Variants in TH observed in about 807,000 individuals in gnomAD.
TH encodes tyrosine 3-monooxygenase.
A neutral mutation model predicts 57.4 loss-of-function variants in TH; 49 were observed. The observed-to-expected ratio is 0.85, with a 90% CI of 0.68 to 1.08. TH has a LOEUF of 1.08. Ranked by LOEUF, TH falls within the 50% of genes least tolerant of loss-of-function variation. The pLI is 0.00. For synonymous variants in TH, 330 were observed against 304.5 expected (o/e 1.08, Z -0.87); for missense variants, 720 against 696.7 (o/e 1.03, Z -0.38).
chr11:2,167,267 G>A, intron 6 of TH, 168 bp downstream of exon 6: 2 of 979,538 alleles, frequency 2.0e-6, no homozygotes, highest in Admixed American at 2.1e-5. Context: ...GACAGGATGG[G>A]TAGCCTCTTC....
intron 11 of TH, 24 bp downstream of exon 11, chr11:2,165,644 G>T (rs1319712060): frequency 6.2e-7 from 1 of 1,610,114 alleles, no homozygotes; most frequent in South Asian, 1.1e-5. Flanking sequence ...TCTGCTGGGG[G>T]CTGCAGCAAG....
chr11:2,165,566 G>A, intron 11 of TH, 102 bp downstream of exon 11: 1 of 1,363,540 alleles, frequency 7.3e-7, no homozygotes, highest in African/African-American at 1.4e-5. Flanking sequence ...GAGTCCTGGA[G>A]GTCCAGGCCT....
chr11:2,168,088 C>T lies in TH; in HGVS notation c.576+3G>A, dbSNP rs761872336. 9.9e-6 allele frequency: 16 copies of T among 1,613,444 alleles called. 1 individual carries two copies. The South Asian group carries it at 1.4e-4, about 14-fold the overall frequency. On this transcript the variant is annotated splice_donor_region_variant and intron_variant, in intron 4 of 12. Coordinates refer to ENST00000352909, the MANE Select transcript of TH (RefSeq NM_000360.4). ...AGGCCTGAGTGAGGGGCGCACCACT[C>T]ACCGGGTGGTCCAAGTCCAGGTCAG...
chr11:2,165,476 T>TC lies in TH; in HGVS notation c.1201-112dup, dbSNP rs1353247859. On this transcript the variant is annotated intron_variant, in intron 11 of 12. Coordinates refer to ENST00000352909, the MANE Select transcript of TH (RefSeq NM_000360.4). ...TTCCTTGGGTAGAGTCACCCCCATC[T>TC]CCCCCGCCGGGCCTTCGGAGGCCTG... The TC allele has an allele frequency of 2.0e-5, 31 of 1,527,092 alleles. No individual in the cohort carries two copies. In the Admixed American group the frequency reaches 5.2e-4, roughly 26 times the overall value. 94.6% of individuals were successfully genotyped at this position (1,527,092 alleles called of 1,614,324 possible).
At chr11:2,169,611 G>A (rs1846196697) in intron 2 of TH, 39 bp downstream of exon 2, 2 of 1,603,798 alleles carry the variant, frequency 1.2e-6, no homozygotes, top group African/African-American at 1.3e-5. Context: ...CCCACCCACA[G>A]GTGAACTTGC....
Position 2,164,103 on chromosome 11 carries a change from G to C in TH, c.*130C>G. The C allele has an allele frequency of 1.2e-6, 1 of 802,122 alleles. No homozygotes were observed. The highest frequency in any genetic ancestry group is 1.7e-6 in the Non-Finnish European group (1 of 575,092). 49.7% of individuals were successfully genotyped at this position (802,122 alleles called of 1,614,324 possible). ...GCTGTTGCGCTGAGAAGCAGGTGCA[G>C]GGGCAGTGGGAGCCTGGCAGCAGGG... On this transcript the variant is annotated 3_prime_UTR_variant, in exon 13 of 13. Coordinates refer to ENST00000352909, the MANE Select transcript of TH (RefSeq NM_000360.4).
chr11:2,166,625 G>A lies in TH; in HGVS notation c.977+8C>T, dbSNP rs12419447. 7.6e-6 allele frequency: 12 copies of A among 1,578,666 alleles called. No homozygotes were observed. Among genetic ancestry groups the A allele is most frequent in the Non-Finnish European group, 1.0e-5 (12 of 1,163,390 alleles). ...ACCCTCGGGCTGGCGGCCAGGGCGC[G>A]CACTCACGGCTCAGGGGAGTGCATG... is the stretch of plus-strand genomic sequence containing the variant. On this transcript the variant is annotated splice_region_variant and intron_variant, in intron 8 of 12. Transcript: ENST00000352909.
chr11:2,165,321 C>T lies in TH; in HGVS notation c.1245G>A (p.Glu415=), dbSNP rs2133689100. Residue 415 remains glutamate, a synonymous_variant, in exon 12 of 13, where the codon GAG becomes GAA. Coordinates refer to ENST00000352909, the MANE Select transcript of TH (RefSeq NM_000360.4). ...CTTGGTAGGGCTGCACGGCCGCAGCCTCAGGGTCGAAGGCCCGAATCTCAG... is the reference window on the plus strand; with the variant it reads ...CTTGGTAGGGCTGCACGGCCGCAGCTTCAGGGTCGAAGGCCCGAATCTCAG... ...EEPEIRAFDP[E]AAAVQPYQDQ... 1 of 1,612,554 alleles carries T rather than the reference C, an allele frequency of 6.2e-7. No homozygotes were observed. The highest frequency in any genetic ancestry group is 8.5e-7 in the Non-Finnish European group (1 of 1,179,998).
chr11:2,168,725 G>T, intron 2 of TH, 60 bp from the exon 3 acceptor site: 2 of 1,143,796 alleles, frequency 1.7e-6, no homozygotes, highest in Non-Finnish European at 1.3e-6. Flanking sequence ...TGGAGAGAGA[G>T]GGTGGGGTGG....
intron 12 of TH, among the ~76,000 whole-genome samples, chr11:2,164,876 C>A (rs527566129): frequency 2.0e-5 from 3 of 152,148 alleles, no homozygotes; most frequent in Non-Finnish European, 4.4e-5. Flanking sequence ...CCCACTCCCG[C>A]CCTGTCCCCC....
chr11:2,166,091 G>A (rs1051884259), intron 9 of TH, 33 bp from the exon 10 acceptor site: 2 of 1,549,938 alleles, frequency 1.3e-6, no homozygotes, highest in Non-Finnish European at 1.7e-6. Context: ...GATGGGGAGA[G>A]GCAGCCCTGG....
At position 2,166,926 on chromosome 11, in the gene TH, T is replaced by C. The variant is rs1846110564; in HGVS notation, c.802A>G (p.Asn268Asp). The stretch of plus-strand genomic sequence containing the variant: ...GAGACGTCCTCCAGCTGGGGGATAT[T>C]GTCTTCCCGGTAGCCGCTGAAGCGC... ...LERFSGYRED[N>D]IPQLEDVSRF... The change falls in exon 7 of 13, where the codon AAT becomes GAT. Residue 268 changes from asparagine (N) to aspartate (D), a missense_variant. Transcript: ENST00000352909. The C allele has an allele frequency of 1.2e-6, 2 of 1,603,034 alleles. No homozygotes were observed. The highest frequency in any genetic ancestry group is 2.2e-5 in the South Asian group (2 of 89,016).
intron 11 of TH, 61 bp downstream of exon 11, chr11:2,165,607 C>T (rs1172085506): frequency 8.3e-6 from 13 of 1,567,348 alleles, no homozygotes; most frequent in Admixed American, 3.4e-5. Context: ...CCTGTCCCCT[C>T]CCTGCACCGT....
In TH at chr11:2,168,680, G is replaced by A. The variant is rs1298110996; in HGVS notation, c.313-15C>T. On this transcript the variant is annotated splice_polypyrimidine_tract_variant and intron_variant, in intron 2 of 12. Transcript: ENST00000352909. ...GCTTCAAACGTCTTAGGGAGCAAAA[G>A]CAGGAAGAGAGAGAGAAGGAGAAAG... 4 of 1,389,662 alleles carry A rather than the reference G, an allele frequency of 2.9e-6. No homozygotes were observed. The African/African-American group carries it at 6.0e-5, about 21-fold the overall frequency. The allele number at this position is 1,389,662 out of a possible 1,614,324, so 86.1% of individuals were successfully genotyped here. A position where few individuals can be genotyped will look rare whatever the true frequency, so the allele number is the denominator to read the frequency against.
chr11:2,171,731 G>C lies in TH; in HGVS notation c.56C>G (p.Ser19Cys), dbSNP rs766704202. Residue 19 changes from serine (S) to cysteine (C), a missense_variant, in exon 1 of 13, where the codon TCT becomes TGT. Coordinates refer to ENST00000352909, the MANE Select transcript of TH (RefSeq NM_000360.4). The surrounding 1 kb of genome is among the most constrained non-coding windows in gnomAD (Gnocchi z 8.6). ...CTCTGCCTGCTTGGCGTCCAGCTCA[G>C]ACACGGCCCTGCGGAAGCCCTTGGC... Reference protein sequence around the residue: ...PQAKGFRRAVSELDAKQAEAI... With the variant: ...PQAKGFRRAVCELDAKQAEAI... 8 of 1,612,964 alleles carry C rather than the reference G, an allele frequency of 5.0e-6. No individual in the cohort carries two copies. In the East Asian group the frequency reaches 1.8e-4, roughly 36 times the overall value.
rs1021582915 is a variant in TH, at chr11:2,170,142, T to G, written c.91-271A>C. ...GGGAAGGTGCTCGCCTGCTCCCCAC[T>G]CTGTGGCGAGCAGACAGACAGAGAC... On this transcript the variant is annotated intron_variant, in intron 1 of 12. Transcript: ENST00000352909. This position sits in a 1 kb window ranked among gnomAD's most constrained non-coding sequence, Gnocchi z 6.0. 1.3e-5 allele frequency among the ~76,000 whole-genome samples: 2 copies of G among 152,034 alleles called. No individual in the cohort carries two copies. The highest frequency in any genetic ancestry group is 4.8e-5 in the African/African-American group (2 of 41,400).
rs2133686512 is a variant in TH, at chr11:2,164,266, G to A, written c.1461C>T (p.Asp487=). 6 of 1,499,330 alleles carry A rather than the reference G, an allele frequency of 4.0e-6. No individual in the cohort carries two copies. The highest frequency in any genetic ancestry group is 5.3e-6 in the Non-Finnish European group (6 of 1,122,304). The allele number at this position is 1,499,330 out of a possible 1,614,324, so 92.9% of individuals were successfully genotyped here. ...TGGCACTCAGCGCATGGGCAAGGGT[G>A]TCCAGCTCATCCTGGACACCCTCCA... ...RSLEGVQDEL[D]TLAHALSAIG is the part of the protein sequence containing the mutation. The change falls in exon 13 of 13, where the codon GAC becomes GAT. Residue 487 remains aspartate, a synonymous_variant. Coordinates refer to ENST00000352909, the MANE Select transcript of TH (RefSeq NM_000360.4).
chr11:2,170,812 TAGGGGAGGGC>T lies in TH; in HGVS notation c.90+875_90+884del, dbSNP rs1846233225. 1 of 16,958 alleles carries T rather than the reference TAGGGGAGGGC, an allele frequency of 5.9e-5. No individual in the cohort carries two copies. The highest frequency in any genetic ancestry group is 1.0e-4 in the Non-Finnish European group (1 of 9,958). 1.1% of individuals were successfully genotyped at this position (16,958 alleles called of 1,614,324 possible). A position where few individuals can be genotyped will look rare whatever the true frequency, so the allele number is the denominator to read the frequency against. On this transcript the variant is annotated intron_variant, in intron 1 of 12. Transcript: ENST00000352909. The surrounding 1 kb of genome is among the most constrained non-coding windows in gnomAD (Gnocchi z 6.0). ...TGATGGGGAGCCTGGTGGGGGAGGG[TAGGGGAGGGC>T]GGGGGAGGACGGGGGAGGGCGCCCT...
chr11:2,165,924 C>T (rs1846077258), intron 10 of TH, 78 bp downstream of exon 10: 1 of 1,527,534 alleles, frequency 6.5e-7, no homozygotes, highest in Non-Finnish European at 8.9e-7. Flanking sequence ...AGGCCTCAGC[C>T]TGGACGGCAA....
Sources: gnomAD v4.1 joint callset for allele counts (sites outside exome capture counted in the v4.1 genomes callset) on GRCh38, gnomAD v4.1.1 for gene constraint, Gnocchi (gnomAD v3.1) non-coding constraint, MANE v1.5 for transcripts, NCBI Gene and HGNC (gene_info 2026-07-23, HGNC 2026-07-21) for gene names.